The following PTPRD variants were observed in gnomAD, a reference collection of about 807,000 sequenced individuals.
PTPRD encodes the protein protein tyrosine phosphatase receptor type D.
PTPRD carries 34 observed loss-of-function variants against 214.5 expected under a neutral mutation model. That is an observed-to-expected ratio of 0.16 (90% CI 0.12 to 0.21). The LOEUF (loss-of-function observed/expected upper bound fraction) is 0.21. Ranked by LOEUF, PTPRD falls within the 10% of genes least tolerant of loss-of-function variation. The pLI is 1.00. For missense variants in PTPRD, 2,545 were observed against 2,398.7 expected, an observed-to-expected ratio of 1.06 and a Z score of -1.27; for synonymous variants, 1,128 against 845.7, an observed-to-expected ratio of 1.33 and a Z score of -5.79.
chr9:9,899,072 G>C (rs973629190), intron 5 of PTPRD, among the ~76,000 whole-genome samples: 5 of 152,056 alleles, frequency 3.3e-5, no homozygotes, highest in African/African-American at 9.7e-5. Context: ...ATACACAAAA[G>C]TCAATTACTT....
chr9:9,656,254 A>T (rs1216351912), intron 7 of PTPRD, among the ~76,000 whole-genome samples: 1 of 152,206 alleles, frequency 6.6e-6, no homozygotes, highest in Non-Finnish European at 1.5e-5. Context: ...ATACGTTCAC[A>T]TTCTTTAGTA....
intron 34 of PTPRD, among the ~76,000 whole-genome samples, chr9:8,439,104 C>G (rs1216964430): frequency 6.6e-6 from 1 of 152,200 alleles, no homozygotes; most frequent in Non-Finnish European, 1.5e-5. Context: ...CCATATTGCA[C>G]TCCATTTCTA....
intron 3 of PTPRD, among the ~76,000 whole-genome samples, chr9:10,052,689 G>A (rs2097556025): frequency 1.3e-5 from 2 of 152,136 alleles, no homozygotes; most frequent in African/African-American, 2.4e-5. Flanking sequence ...TCAAACATGA[G>A]TTTCTCATTC....
intron 3 of PTPRD, among the ~76,000 whole-genome samples, chr9:10,270,282 A>G (rs1208090878): frequency 6.6e-6 from 1 of 152,148 alleles, no homozygotes. Context: ...TTTGAAAATA[A>G]AAGTTTATTA....
intron 11 of PTPRD, among the ~76,000 whole-genome samples, chr9:8,771,659 C>A (rs1381226409): frequency 6.6e-6 from 1 of 151,938 alleles, no homozygotes; most frequent in Non-Finnish European, 1.5e-5. Flanking sequence ...ACTCAAAGTT[C>A]CAAAGTCATC....
intron 21 of PTPRD, among the ~76,000 whole-genome samples, chr9:8,512,806 A>G (rs1156787111): frequency 1.3e-5 from 2 of 152,006 alleles, no homozygotes; most frequent in Non-Finnish European, 2.9e-5. Context: ...AAAGACACAT[A>G]TTAGGATTTA....
chr9:8,361,807 G>GA (rs112223050), intron 39 of PTPRD, among the ~76,000 whole-genome samples: 11,691 of 152,114 alleles, frequency 0.077, 1,319 homozygotes, highest in African/African-American at 0.25. Context: ...AAAAAATTCT[G>GA]AAAAAACAGC....
At chr9:10,438,760 A>G (rs1055086278) in intron 2 of PTPRD, among the ~76,000 whole-genome samples, 8 of 151,778 alleles carry the variant, frequency 5.3e-5, no homozygotes, top group Non-Finnish European at 1.5e-5. Flanking sequence ...TATAAAGCTC[A>G]TTAATTCAGT....
chr9:9,275,846 T>C lies in PTPRD; in HGVS notation c.-202-92483A>G, dbSNP rs550025603. On this transcript the variant is annotated intron_variant, in intron 9 of 45. Transcript: ENST00000381196. ...GTGTGTGTGTGTATGTGTGTGTGTG[T>C]GTGTGTGTGTGTGTTTCTATAAAAG... 4.0e-5 allele frequency among the ~76,000 whole-genome samples: 6 copies of C among 151,318 alleles called. No homozygotes were observed. In the South Asian group the frequency reaches 1.0e-3, roughly 26 times the overall value.
intron 3 of PTPRD, among the ~76,000 whole-genome samples, chr9:10,317,209 T>C (rs1339571621): frequency 6.6e-6 from 1 of 151,926 alleles, no homozygotes; most frequent in Non-Finnish European, 1.5e-5. Flanking sequence ...AACAAAAATA[T>C]AATTGGGGGC....
At chr9:9,530,500 TC>T (rs773277170) in intron 8 of PTPRD, among the ~76,000 whole-genome samples, 3 of 151,872 alleles carry the variant, frequency 2.0e-5, no homozygotes, top group Non-Finnish European at 4.4e-5. Context: ...TAATAAGAAG[TC>T]TCCAAACAAA....
At chr9:9,427,198 C>G (rs2081296575) in intron 8 of PTPRD, among the ~76,000 whole-genome samples, 1 of 152,104 alleles carries the variant, frequency 6.6e-6, no homozygotes, top group Non-Finnish European at 1.5e-5. Flanking sequence ...CTAGAATAAC[C>G]AGCTTAGAGA....
At chr9:8,846,209 T>C (rs550049800) in intron 11 of PTPRD, among the ~76,000 whole-genome samples, 1 of 152,280 alleles carries the variant, frequency 6.6e-6, no homozygotes, top group South Asian at 2.1e-4. Context: ...AGAGGAGCAA[T>C]AGACAATACC....
At chr9:10,365,645 G>A (rs1391392716) in intron 2 of PTPRD, among the ~76,000 whole-genome samples, 2 of 152,030 alleles carry the variant, frequency 1.3e-5, no homozygotes, top group African/African-American at 4.8e-5. Context: ...ATAGTTTTTA[G>A]AACATAAGAG....
intron 11 of PTPRD, among the ~76,000 whole-genome samples, chr9:8,913,200 T>A (rs1156675858): frequency 6.6e-6 from 1 of 152,118 alleles, no homozygotes; most frequent in Non-Finnish European, 1.5e-5. Context: ...TTGTGTGTGT[T>A]TGCAATAATT....
chr9:9,428,431 T>A (rs1588146120), intron 8 of PTPRD, among the ~76,000 whole-genome samples: 1 of 152,290 alleles, frequency 6.6e-6, no homozygotes, highest in East Asian at 1.9e-4. Flanking sequence ...CAAAGAGACT[T>A]AGACTCCCAC....
intron 8 of PTPRD, among the ~76,000 whole-genome samples, chr9:9,513,324 C>T (rs571242134): frequency 1.3e-5 from 2 of 151,968 alleles, no homozygotes; most frequent in Admixed American, 1.3e-4. Flanking sequence ...TATCTTTGCC[C>T]TTCTTTTTAT....
Position 9,998,079 on chromosome 9 carries a change from A to G in PTPRD, c.-472+35639T>C, listed in dbSNP as rs987126698. Among the ~76,000 whole-genome samples, 23 of 147,380 alleles carry G rather than the reference A, an allele frequency of 1.6e-4. No homozygotes were observed. The East Asian group carries it at 4.5e-3, about 29-fold the overall frequency. ...TTTCTTTCTTGGAACACAAACCTGC[A>G]CGCTGTGCACATGTACCCTAGAACT... On this transcript the variant is annotated intron_variant, in intron 4 of 45. Coordinates refer to ENST00000381196, the MANE Select transcript of PTPRD (RefSeq NM_002839.4).
intron 5 of PTPRD, among the ~76,000 whole-genome samples, chr9:9,932,731 A>G (rs2087236023): frequency 9.6e-6 from 1 of 104,612 alleles, no homozygotes; most frequent in Non-Finnish European, 1.9e-5. Flanking sequence ...AGAGAACGCC[A>G]CAAAGATACT....
Sources: gnomAD v4.1 joint callset for allele counts (sites outside exome capture counted in the v4.1 genomes callset) on GRCh38, gnomAD v4.1.1 for gene constraint, MANE v1.5 for transcripts, NCBI Gene and HGNC (gene_info 2026-07-23, HGNC 2026-07-21) for gene names.